Variants in COG6 observed in about 807,000 individuals in gnomAD.
COG6 encodes conserved oligomeric Golgi complex subunit 6.
COG6 carries 74 observed loss-of-function variants against 88.8 expected under a neutral mutation model. The observed-to-expected ratio is 0.83, with a 90% CI of 0.69 to 1.01. The LOEUF is 1.01. Ranked by LOEUF, COG6 falls within the 50% of genes least tolerant of loss-of-function variation. The probability of loss-of-function intolerance (pLI) is 0.00; values close to 1 mark genes in which losing one functional copy is unlikely to be tolerated. For synonymous variants in COG6, 286 were observed against 278.7 expected (o/e 1.03, Z -0.26); for missense variants, 800 against 797.9 (o/e 1.00, Z -0.03).
At chr13:39,723,311 T>C in intron 15 of COG6, 22 bp from the exon 16 acceptor site, 1 of 1,459,838 alleles carries the variant, frequency 6.9e-7, no homozygotes, top group Non-Finnish European at 9.6e-7. Context: ...TTTTAAAATG[T>C]TTTCTTTGTG....
chr13:39,699,008 A>G (rs969852666), intron 12 of COG6, among the ~76,000 whole-genome samples: 1 of 151,890 alleles, frequency 6.6e-6, no homozygotes, highest in African/African-American at 2.4e-5. Flanking sequence ...ACTGCTCTGT[A>G]GGCAGCTGTA....
intron 13 of COG6, among the ~76,000 whole-genome samples, chr13:39,711,814 AAT>A (rs1878253614): frequency 6.6e-6 from 1 of 152,210 alleles, no homozygotes; most frequent in Admixed American, 6.5e-5. Flanking sequence ...GTCTTTTAAA[AAT>A]ATGAGTGTAC....
intron 13 of COG6, among the ~76,000 whole-genome samples, chr13:39,709,303 AT>A (rs1311744641): frequency 6.6e-6 from 1 of 151,498 alleles, no homozygotes; most frequent in East Asian, 1.9e-4. Context: ...TTTATTTTTA[AT>A]TTTTATAAAT....
chr13:39,717,140 A>G (rs1212362144), intron 13 of COG6, among the ~76,000 whole-genome samples: 2 of 152,174 alleles, frequency 1.3e-5, no homozygotes, highest in Non-Finnish European at 2.9e-5. Context: ...TGACTATGTC[A>G]TCCAATATGC....
rs189654940 is a variant in COG6, at chr13:39,773,422, A to G, written c.1827-14913A>G. 3.4e-4 allele frequency among the ~76,000 whole-genome samples: 52 copies of G among 152,330 alleles called. No individual in the cohort carries two copies. In the East Asian group the frequency reaches 3.5e-3, roughly 10 times the overall value. On this transcript the variant is annotated intron_variant, in intron 18 of 18. Coordinates refer to the COG6 transcript ENST00000416691. The stretch of plus-strand genomic sequence containing the variant: ...ATTTATGCCATTTTTACATTTTTCC[A>G]CTAACAGCCAAACAGGCAGGGACAC...
At chr13:39,746,654 A>C (rs925004454) in intron 18 of COG6, among the ~76,000 whole-genome samples, 1 of 152,214 alleles carries the variant, frequency 6.6e-6, no homozygotes, top group African/African-American at 2.4e-5. Flanking sequence ...ATGTGATATT[A>C]GTAATTAGTG....
At chr13:39,748,507 C>G (rs1200977980) in intron 18 of COG6, among the ~76,000 whole-genome samples, 1 of 151,760 alleles carries the variant, frequency 6.6e-6, no homozygotes, top group Non-Finnish European at 1.5e-5. Flanking sequence ...CCCAGCTACT[C>G]GGGAGGCTGA....
chr13:39,763,858 T>C (rs1881092040), intron 18 of COG6, among the ~76,000 whole-genome samples: 1 of 151,902 alleles, frequency 6.6e-6, no homozygotes, highest in African/African-American at 2.4e-5. Context: ...ATGAGAAAGA[T>C]TGCCCTGTAA....
chr13:39,771,329 C>T (rs7320598), intron 18 of COG6, among the ~76,000 whole-genome samples: 44,689 of 152,180 alleles, frequency 0.29, 6,787 homozygotes, highest in Non-Finnish European at 0.35. Context: ...AGCACTTCTT[C>T]GTCCATCGTC....
chr13:39,668,316 C>CAAAT (rs1312740547), intron 4 of COG6, among the ~76,000 whole-genome samples: 23 of 152,010 alleles, frequency 1.5e-4, no homozygotes, highest in Non-Finnish European at 7.4e-5. Context: ...GGTCCAGAGA[C>CAAAT]TATAATTTGA....
intron 12 of COG6, among the ~76,000 whole-genome samples, chr13:39,698,138 T>C (rs1174399751): frequency 6.6e-6 from 1 of 151,874 alleles, no homozygotes; most frequent in Non-Finnish European, 1.5e-5. Context: ...TAGTAAATTC[T>C]AGATCTGAAT....
chr13:39,683,714 A>C (rs1035365957), intron 8 of COG6, among the ~76,000 whole-genome samples: 1 of 151,510 alleles, frequency 6.6e-6, no homozygotes, highest in African/African-American at 2.4e-5. Context: ...TCTACAGATT[A>C]ATATTTATTC....
intron 18 of COG6, 77 bp downstream of exon 18, chr13:39,727,625 AT>A (rs111267934): frequency 1.6e-5 from 17 of 1,078,254 alleles, no homozygotes; most frequent in Non-Finnish European, 2.3e-5. Context: ...TTGGAAAAAA[AT>A]TTATTTTCAA....
At chr13:39,728,792 G>A (rs970120875) in intron 18 of COG6, among the ~76,000 whole-genome samples, 1 of 151,564 alleles carries the variant, frequency 6.6e-6, no homozygotes, top group Non-Finnish European at 1.5e-5. Flanking sequence ...AGCCTCCTGA[G>A]TAACTGGGAG....
chr13:39,701,907 C>T (rs961134957), intron 13 of COG6, among the ~76,000 whole-genome samples: 6 of 151,680 alleles, frequency 4.0e-5, no homozygotes, highest in East Asian at 1.9e-4. Context: ...ATTAAATTTC[C>T]GTGACAAATT....
chr13:39,726,887 T>G (rs1879162698), intron 17 of COG6, among the ~76,000 whole-genome samples: 1 of 152,008 alleles, frequency 6.6e-6, no homozygotes, highest in African/African-American at 2.4e-5. Context: ...ATCCACAGAC[T>G]AGGTCCTTGA....
rs1200863175 is a variant in COG6 at position 39,687,645 on chromosome 13, A to G, written c.917+14A>G. ...TGACCCTTTGAGGTATAGTAATCAG[A>G]CAGCAGAAGAGGAGTTGATGTTTTT... On this transcript the variant is annotated intron_variant, in intron 9 of 18. Transcript: ENST00000455146. The G allele has an allele frequency of 6.2e-7, 1 of 1,614,042 alleles. No homozygotes were observed. The highest frequency in any genetic ancestry group is 8.5e-7 in the Non-Finnish European group (1 of 1,180,014).
intron 18 of COG6, among the ~76,000 whole-genome samples, chr13:39,774,555 C>A (rs1274494604): frequency 6.6e-6 from 1 of 151,414 alleles, no homozygotes; most frequent in Non-Finnish European, 1.5e-5. Context: ...AGGAAGTTCA[C>A]AAAGTTGGAA....
At chr13:39,787,808 T>C (rs772373900) in intron 18 of COG6, among the ~76,000 whole-genome samples, 9 of 152,162 alleles carry the variant, frequency 5.9e-5, no homozygotes, top group Non-Finnish European at 1.2e-4. Flanking sequence ...TTGTAAGTAA[T>C]CTAGAGATTA....
Sources: gnomAD v4.1 joint callset for allele counts (sites outside exome capture counted in the v4.1 genomes callset) on GRCh38, gnomAD v4.1.1 for gene constraint, MANE v1.5 for transcripts, NCBI Gene and HGNC (gene_info 2026-07-23, HGNC 2026-07-21) for gene names.